Variants in SENP6 observed in about 807,000 individuals in gnomAD.
SENP6 encodes sentrin-specific protease 6.
In SENP6, 41 loss-of-function variants were observed where a neutral mutation model predicts 134.5. The observed-to-expected ratio is 0.30, with a 90% confidence interval of 0.24 to 0.40. The LOEUF is 0.40. Among genes scored for constraint, SENP6 ranks in the 10% least tolerant of loss-of-function variants. The pLI is 1.00. For missense variants in SENP6, 1,248 were observed against 1,312.5 expected, an observed-to-expected ratio of 0.95 and a Z score of 0.76; for synonymous variants, 395 against 429.8, an observed-to-expected ratio of 0.92 and a Z score of 1.00.
intron 1 of SENP6, among the ~76,000 whole-genome samples, chr6:75,618,843 T>C (rs574490262): frequency 2.0e-5 from 3 of 152,346 alleles, no homozygotes; most frequent in South Asian, 2.1e-4. Flanking sequence ...TATTTACTTA[T>C]GTTTTCAATC....
chr6:75,637,058 A>AT (rs1487382218), intron 5 of SENP6, among the ~76,000 whole-genome samples: 1 of 151,638 alleles, frequency 6.6e-6, no homozygotes, highest in Non-Finnish European at 1.5e-5. Context: ...CTTTAAAAAA[A>AT]TTTTTTTTGT....
At chr6:75,603,872 A>G (rs1209972667) in intron 1 of SENP6, among the ~76,000 whole-genome samples, 1 of 152,248 alleles carries the variant, frequency 6.6e-6, no homozygotes, top group Non-Finnish European at 1.5e-5. Context: ...AGAACTTTAC[A>G]GGAGATTTCC....
chr6:75,684,656 C>T (rs62415592), intron 16 of SENP6, among the ~76,000 whole-genome samples: 2,862 of 152,300 alleles, frequency 0.019, 51 homozygotes, highest in Admixed American at 0.029. Context: ...TTGAGATAAT[C>T]ATGTGGTTTT....
At chr6:75,637,687 G>T (rs1408242745) in intron 5 of SENP6, among the ~76,000 whole-genome samples, 1 of 151,724 alleles carries the variant, frequency 6.6e-6, no homozygotes, top group African/African-American at 2.4e-5. Flanking sequence ...AGAAATTCTT[G>T]TAATTCTTAT....
Position 75,702,975 on chromosome 6 carries a change from A to C in SENP6, c.2619A>C (p.Glu873Asp). The change falls in exon 19 of 24, where the codon GAA (glutamate) becomes GAC (aspartate). Residue 873 changes from glutamate (E) to aspartate (D), a missense_variant. This residue lies in a region of SENP6 where 386 missense variants were observed against 395.0 expected (regional missense o/e 0.98). Transcript: ENST00000447266. ...ATCATACTGCGAGTGAAAATGAAGA[A>C]TTCAATAAAGGAGAATCTACATCCC... is the stretch of plus-strand genomic sequence containing the variant. Reference protein sequence around the residue: ...KINHTASENEEFNKGESTSQK... With the variant: ...KINHTASENEDFNKGESTSQK... 1.2e-6 allele frequency: 2 copies of C among 1,614,004 alleles called. No individual in the cohort carries two copies. Among genetic ancestry groups the C allele is most frequent in the Admixed American group, 1.7e-5 (1 of 60,024 alleles).
At chr6:75,651,646 T>G (rs980667980) in intron 7 of SENP6, among the ~76,000 whole-genome samples, 1 of 152,000 alleles carries the variant, frequency 6.6e-6, no homozygotes, top group Admixed American at 6.6e-5. Context: ...GCCACTGCTC[T>G]GGCCACATAT....
intron 7 of SENP6, among the ~76,000 whole-genome samples, chr6:75,648,236 T>A (rs999936743): frequency 6.6e-6 from 1 of 152,152 alleles, no homozygotes; most frequent in Non-Finnish European, 1.5e-5. Context: ...TACTGGAAAA[T>A]CATGGTGAGT....
chr6:75,655,540 G>A (rs947149380), intron 7 of SENP6, among the ~76,000 whole-genome samples: 6 of 152,248 alleles, frequency 3.9e-5, no homozygotes, highest in Admixed American at 2.0e-4. Context: ...AGGACTTCAT[G>A]TAAATGGAGT....
At chr6:75,639,366 CT>C in intron 5 of SENP6, among the ~76,000 whole-genome samples, 1 of 151,758 alleles carries the variant, frequency 6.6e-6, no homozygotes, top group East Asian at 1.9e-4. Flanking sequence ...TTATAATATT[CT>C]TTTCCTTTTG....
At chr6:75,710,661 C>T (rs1775696677) in intron 20 of SENP6, among the ~76,000 whole-genome samples, 1 of 152,030 alleles carries the variant, frequency 6.6e-6, no homozygotes, top group Non-Finnish European at 1.5e-5. Context: ...TAGCAGTTAC[C>T]TGTGATGTGA....
intron 5 of SENP6, among the ~76,000 whole-genome samples, chr6:75,639,451 T>C (rs1288096108): frequency 1.3e-5 from 2 of 152,150 alleles, no homozygotes; most frequent in Non-Finnish European, 2.9e-5. Context: ...TTTCTTCATT[T>C]GCTAGGATTA....
rs780574973 is a variant in SENP6, at chr6:75,709,600, C to G, written c.2790C>G (p.Leu930=). ...CTGGTAAAATGCTTGAAGATGAACTCGTCGACTTCTCAGAAGATCAGGATA... is the reference window on the plus strand; with the variant it reads ...CTGGTAAAATGCTTGAAGATGAACTGGTCGACTTCTCAGAAGATCAGGATA... ...PEAGKMLEDE[L]VDFSEDQDNQ... The change falls in exon 20 of 24, where the codon CTC becomes CTG. Residue 930 remains leucine, a synonymous_variant. Coordinates refer to ENST00000447266, the MANE Select transcript of SENP6 (RefSeq NM_015571.4). 2 of 1,613,638 alleles carry G rather than the reference C, an allele frequency of 1.2e-6. No individual in the cohort carries two copies. Among genetic ancestry groups the G allele is most frequent in the Admixed American group, 1.7e-5 (1 of 59,978 alleles).
chr6:75,701,693 GC>G (rs1327139522), intron 18 of SENP6, among the ~76,000 whole-genome samples: 4 of 131,420 alleles, frequency 3.0e-5, no homozygotes, highest in Non-Finnish European at 6.2e-5. Context: ...AGGGTGGAGT[GC>G]AGTGGCACAA....
chr6:75,604,164 A>G (rs1766846461), intron 1 of SENP6, among the ~76,000 whole-genome samples: 1 of 152,220 alleles, frequency 6.6e-6, no homozygotes, highest in African/African-American at 2.4e-5. Flanking sequence ...AGGGAGGATT[A>G]AAACAAGCAC....
chr6:75,666,139 G>T (rs1358420117), intron 9 of SENP6, among the ~76,000 whole-genome samples: 2 of 119,330 alleles, frequency 1.7e-5, no homozygotes, highest in Non-Finnish European at 3.5e-5. Context: ...ACGTATATAT[G>T]ATATATATAA....
chr6:75,607,548 T>C (rs1767119144), intron 1 of SENP6, among the ~76,000 whole-genome samples: 1 of 144,890 alleles, frequency 6.9e-6, no homozygotes, highest in Non-Finnish European at 1.5e-5. Context: ...TTTCTTTTCC[T>C]TTTTTTTTTA....
intron 1 of SENP6, among the ~76,000 whole-genome samples, chr6:75,614,102 T>A (rs602873): frequency 0.2 from 29,680 of 151,980 alleles, 3,344 homozygotes; most frequent in African/African-American, 0.3. Flanking sequence ...ATGCATTTTT[T>A]AAAAATATAA....
At chr6:75,632,576 A>G (rs1471294596) in intron 3 of SENP6, among the ~76,000 whole-genome samples, 2 of 152,186 alleles carry the variant, frequency 1.3e-5, no homozygotes, top group African/African-American at 4.8e-5. Context: ...CAGGTCTGAC[A>G]TCAGTAAGGT....
At chr6:75,699,127 A>G (rs1774851536) in intron 18 of SENP6, among the ~76,000 whole-genome samples, 1 of 152,124 alleles carries the variant, frequency 6.6e-6, no homozygotes, top group Non-Finnish European at 1.5e-5. Context: ...GAGGAAAGCG[A>G]TTTGTCAGAA....
Sources: allele counts gnomAD v4.1 joint callset (sites outside exome capture counted in the v4.1 genomes callset), GRCh38; gene constraint gnomAD v4.1.1; regional missense constraint gnomAD v4.1.1; transcripts MANE v1.5; gene names NCBI Gene and HGNC (gene_info 2026-07-23, HGNC 2026-07-21).